FNDC1: variants seen among roughly 807,000 people sequenced by gnomAD.
FNDC1 encodes fibronectin type III domain containing 1.
A neutral mutation model predicts 168.0 loss-of-function variants in FNDC1; 96 were observed. That is an observed-to-expected ratio of 0.57 (90% CI 0.48 to 0.68). The LOEUF is 0.68. Among genes scored for constraint, FNDC1 ranks in the 30% least tolerant of loss-of-function variants. The pLI is 0.00. For synonymous variants in FNDC1, 1,099 were observed against 1,025.9 expected (o/e 1.07, Z -1.36); for missense variants, 2,587 against 2,482.1 (o/e 1.04, Z -0.90).
At chr6:159,236,393 T>C in intron 12 of FNDC1, 78 bp downstream of exon 12, 1 of 917,908 alleles carries the variant, frequency 1.1e-6, no homozygotes, top group Non-Finnish European at 1.7e-6. Flanking sequence ...TGTGTAATGA[T>C]AAATGAAGTG....
chr6:159,217,143 G>A (rs760850412), intron 5 of FNDC1, among the ~76,000 whole-genome samples: 5 of 152,238 alleles, frequency 3.3e-5, no homozygotes, highest in Admixed American at 6.5e-5. Context: ...CAGACAAGGA[G>A]GGGGATGGGC....
intron 1 of FNDC1, among the ~76,000 whole-genome samples, chr6:159,184,182 G>C (rs1781944917): frequency 1.3e-5 from 2 of 152,234 alleles, no homozygotes; most frequent in Admixed American, 1.3e-4. Flanking sequence ...AAATAGTTAT[G>C]ATAACACAGC....
Position 159,234,206 on chromosome 6 carries a change from C to T in FNDC1, c.3694C>T (p.Pro1232Ser). ...GAGGGAGCCTGCCATCGCGCTTGCC[C>T]CTCGCGGAGGGAGCCTGGCTCCTGT... is the stretch of plus-strand genomic sequence containing the variant. ...EEREPAIALA[P>S]RGGSLAPVKR... Residue 1232 changes from proline to serine, a missense_variant, in exon 11 of 23, where the codon CCT (proline) becomes TCT (serine). By Grantham distance (74) the Pro-to-Ser change is moderately conservative. Coordinates refer to ENST00000297267, the MANE Select transcript of FNDC1 (RefSeq NM_032532.3). 4 of 1,597,072 alleles carry T rather than the reference C, an allele frequency of 2.5e-6. No homozygotes were observed. The South Asian group carries it at 4.5e-5, about 18-fold the overall frequency.
intron 6 of FNDC1, among the ~76,000 whole-genome samples, chr6:159,222,886 C>T (rs1782859601): frequency 6.6e-6 from 1 of 152,068 alleles, no homozygotes. Context: ...ATTGAGAAAG[C>T]ACTGAGTTAC....
At chr6:159,210,986 C>T (rs770734092) in intron 4 of FNDC1, among the ~76,000 whole-genome samples, 32 of 152,184 alleles carry the variant, frequency 2.1e-4, no homozygotes, top group Non-Finnish European at 4.1e-4. Context: ...ACACCCTGGC[C>T]AGGTGCTTCT....
chr6:159,185,384 G>C (rs1024824423), intron 1 of FNDC1, among the ~76,000 whole-genome samples: 1 of 152,188 alleles, frequency 6.6e-6, no homozygotes, highest in African/African-American at 2.4e-5. Context: ...AAGATGATTT[G>C]ATTTTACAAA....
intron 2 of FNDC1, among the ~76,000 whole-genome samples, chr6:159,198,764 A>G (rs1782307551): frequency 6.6e-6 from 1 of 152,256 alleles, no homozygotes; most frequent in Admixed American, 6.5e-5. Context: ...CTGTATGGGT[A>G]TCAAACACAT....
At chr6:159,216,623 C>T (rs439088) in intron 5 of FNDC1, among the ~76,000 whole-genome samples, 73,849 of 152,060 alleles carry the variant, frequency 0.49, 20,475 homozygotes, top group African/African-American at 0.76. Flanking sequence ...GAGCATGGGG[C>T]AAGCATAACT....
rs1562310896 is a variant in FNDC1, at chr6:159,256,588, T to C, written c.5131T>C (p.Ser1711Pro). 8.7e-6 allele frequency: 14 copies of C among 1,613,834 alleles called. No individual in the cohort carries two copies. Among genetic ancestry groups the C allele is most frequent in the Non-Finnish European group, 1.1e-5 (13 of 1,179,852 alleles). Residue 1711 changes from serine (S) to proline (P), a missense_variant, in exon 18 of 23, where the codon TCA (serine) becomes CCA (proline). Coordinates refer to ENST00000297267, the MANE Select transcript of FNDC1 (RefSeq NM_032532.3). The part of the protein sequence containing the change: ...IRNKWSTQAS[S>P]VTHLPIENLK... Reference sequence around the variant, plus strand: ...GAACAAGTGGTCCACTCAAGCTTCATCAGTAACTCACTTGCCCATTGAGAA... The same window carrying C: ...GAACAAGTGGTCCACTCAAGCTTCACCAGTAACTCACTTGCCCATTGAGAA...
At chr6:159,243,519 T>TAAGTAA (rs1783473783) in intron 14 of FNDC1, among the ~76,000 whole-genome samples, 1 of 152,204 alleles carries the variant, frequency 6.6e-6, no homozygotes, top group South Asian at 2.1e-4. Context: ...ACTTCTTTGG[T>TAAGTAA]GACATTTTTC....
At chr6:159,256,751 G>C in intron 18 of FNDC1, 120 bp downstream of exon 18, 2 of 736,034 alleles carry the variant, frequency 2.7e-6, no homozygotes, top group South Asian at 3.4e-5. Context: ...TACCCTGTTT[G>C]GTTCTAATAG....
At chr6:159,244,914 T>G (rs433786) in intron 14 of FNDC1, among the ~76,000 whole-genome samples, 1 of 152,098 alleles carries the variant, frequency 6.6e-6, no homozygotes, top group Non-Finnish European at 1.5e-5. Context: ...TACCTGAGAC[T>G]GGATAATTTA....
chr6:159,170,232 G>A (rs1781624541), intron 1 of FNDC1, among the ~76,000 whole-genome samples: 1 of 152,036 alleles, frequency 6.6e-6, no homozygotes, highest in African/African-American at 2.4e-5. Context: ...GAGGAGAAGC[G>A]CTCCAGTGCC....
intron 18 of FNDC1, 137 bp downstream of exon 18, chr6:159,256,768 A>G (rs1777382553): frequency 1.5e-6 from 1 of 678,528 alleles, no homozygotes. Flanking sequence ...ATAGAATGTC[A>G]ATGCATGCTT....
chr6:159,225,178 GACACAC>G (rs755587981), intron 7 of FNDC1, among the ~76,000 whole-genome samples: 3 of 146,416 alleles, frequency 2.0e-5, no homozygotes, highest in Non-Finnish European at 4.5e-5. Context: ...CACAAATACA[GACACAC>G]ACACACACAC....
chr6:159,225,810 C>T, intron 8 of FNDC1, 88 bp downstream of exon 8: 1 of 1,214,282 alleles, frequency 8.2e-7, no homozygotes, highest in Non-Finnish European at 1.1e-6. Flanking sequence ...CCAATAGTGA[C>T]AAAGGCCAGC....
At chr6:159,213,878 C>A (rs1303099999) in intron 4 of FNDC1, among the ~76,000 whole-genome samples, 1 of 152,146 alleles carries the variant, frequency 6.6e-6, no homozygotes, top group African/African-American at 2.4e-5. Context: ...GACGTTGGAA[C>A]CAGGTGTCTG....
In FNDC1 at chr6:159,243,739, T is replaced by A. The variant is rs117528283; in HGVS notation, c.4622-3162T>A. Among the ~76,000 whole-genome samples, 69 of 152,306 alleles carry A rather than the reference T, an allele frequency of 4.5e-4. No individual in the cohort carries two copies. The East Asian group carries it at 0.013, about 29-fold the overall frequency. On this transcript the variant is annotated intron_variant, in intron 14 of 22. Coordinates refer to ENST00000297267, the MANE Select transcript of FNDC1 (RefSeq NM_032532.3). ...AAGTAAGGTGGTCAACTTTTTTTTT[T>A]AATTGTAAATATATTTCATTACATC...
intron 22 of FNDC1, among the ~76,000 whole-genome samples, chr6:159,268,423 C>G (rs502351): frequency 0.64 from 96,606 of 151,876 alleles, 32,187 homozygotes; most frequent in Middle Eastern, 0.75. Context: ...TTTTTAGATT[C>G]GAAAAAATGC....
Sources: gnomAD v4.1 joint callset for allele counts (sites outside exome capture counted in the v4.1 genomes callset) on GRCh38, gnomAD v4.1.1 for gene constraint, MANE v1.5 for transcripts, NCBI Gene and HGNC (gene_info 2026-07-23, HGNC 2026-07-21) for gene names.